Variants in NLGN1 observed in about 807,000 individuals in gnomAD.
NLGN1 encodes neuroligin-1.
NLGN1 carries 12 observed loss-of-function variants against 65.5 expected under a neutral mutation model. The ratio of observed to expected loss-of-function variants is 0.18; its 90% confidence interval spans 0.12 to 0.30. The LOEUF (loss-of-function observed/expected upper bound fraction) is 0.30, where lower values mean the gene tolerates loss of function less well. NLGN1 is among the 10% of genes least tolerant of loss of function. NLGN1 has a pLI of 1.00. For missense variants in NLGN1, 750 were observed against 1,007.1 expected, an observed-to-expected ratio of 0.74 and a Z score of 3.46; for synonymous variants, 350 against 359.5, an observed-to-expected ratio of 0.97 and a Z score of 0.30.
chr3:173,925,789 A>G (rs1162560623), intron 4 of NLGN1, among the ~76,000 whole-genome samples: 19 of 152,186 alleles, frequency 1.2e-4, no homozygotes, highest in Non-Finnish European at 2.8e-4. Flanking sequence ...AATTATAAAT[A>G]TATATATTCA....
intron 2 of NLGN1, among the ~76,000 whole-genome samples, chr3:173,452,992 T>C (rs1274163435): frequency 6.6e-6 from 1 of 152,190 alleles, no homozygotes; most frequent in Non-Finnish European, 1.5e-5. Context: ...CTTCAGTGAG[T>C]CTTAATCTTT....
chr3:173,781,472 A>C (rs1263017256), intron 3 of NLGN1, among the ~76,000 whole-genome samples: 1 of 152,154 alleles, frequency 6.6e-6, no homozygotes, highest in Non-Finnish European at 1.5e-5. Flanking sequence ...ACTGTTATGG[A>C]TTATCTTTGA....
chr3:174,291,263 G>A (rs1292598534), downstream of NLGN1, among the ~76,000 whole-genome samples: 3 of 150,886 alleles, frequency 2.0e-5, no homozygotes, highest in Non-Finnish European at 4.5e-5. Context: ...GACTCAATAT[G>A]CATGTATATG....
intron 2 of NLGN1, among the ~76,000 whole-genome samples, chr3:173,592,497 T>C (rs1748695762): frequency 6.6e-6 from 1 of 152,206 alleles, no homozygotes; most frequent in South Asian, 2.1e-4. Context: ...TGGATATCTA[T>C]GCACACGCCT....
intron 1 of NLGN1, among the ~76,000 whole-genome samples, chr3:173,411,330 T>A (rs755550188): frequency 6.6e-5 from 10 of 152,212 alleles, no homozygotes; most frequent in Non-Finnish European, 1.2e-4. Flanking sequence ...CAGAGAGAAC[T>A]ATGGACCACA....
At chr3:173,605,340 A>G (rs1157427662) in intron 3 of NLGN1, among the ~76,000 whole-genome samples, 194 bp from the exon 3 acceptor site, 1 of 151,962 alleles carries the variant, frequency 6.6e-6, no homozygotes, top group African/African-American at 2.4e-5. Context: ...TGGGTTTCTA[A>G]TTTCCATTTC....
intron 2 of NLGN1, among the ~76,000 whole-genome samples, chr3:173,505,388 A>G (rs568328762): frequency 3.3e-5 from 5 of 152,128 alleles, no homozygotes; most frequent in Admixed American, 6.6e-5. Context: ...ACATAGATCT[A>G]CATCATGCCA....
At chr3:173,728,471 G>A (rs1214514964) in intron 3 of NLGN1, among the ~76,000 whole-genome samples, 1 of 152,172 alleles carries the variant, frequency 6.6e-6, no homozygotes, top group East Asian at 1.9e-4. Flanking sequence ...AAAGCCACGT[G>A]AGCTTTAGAA....
chr3:173,434,322 T>C (rs1717714391), intron 1 of NLGN1, among the ~76,000 whole-genome samples: 1 of 152,216 alleles, frequency 6.6e-6, no homozygotes, highest in Non-Finnish European at 1.5e-5. Flanking sequence ...TTCTTTGTAG[T>C]AGTGGTTTTC....
At chr3:173,406,461 A>G (rs577512731) in intron 1 of NLGN1, among the ~76,000 whole-genome samples, 280 of 149,896 alleles carry the variant, frequency 1.9e-3, no homozygotes, top group Non-Finnish European at 3.0e-3. Flanking sequence ...ATTTTATTTT[A>G]TATGTATATT....
At chr3:174,181,706 A>G (rs1730440045) in intron 4 of NLGN1, among the ~76,000 whole-genome samples, 1 of 152,034 alleles carries the variant, frequency 6.6e-6, no homozygotes, top group Non-Finnish European at 1.5e-5. Context: ...AGGCAGGCAT[A>G]TGGCTTGAGC....
At chr3:173,797,446 A>C (rs915264704) in intron 3 of NLGN1, among the ~76,000 whole-genome samples, 15 of 152,248 alleles carry the variant, frequency 9.9e-5, no homozygotes, top group Admixed American at 7.2e-4. Context: ...CGTTTTATTT[A>C]GTATCAATAA....
intron 4 of NLGN1, among the ~76,000 whole-genome samples, chr3:174,026,943 C>G (rs534395968): frequency 6.6e-6 from 1 of 151,068 alleles, no homozygotes; most frequent in South Asian, 2.1e-4. Context: ...TAATTCAATT[C>G]AAATACATTT....
intron 3 of NLGN1, among the ~76,000 whole-genome samples, chr3:173,721,657 G>A (rs1330381955): frequency 1.3e-5 from 2 of 152,118 alleles, no homozygotes; most frequent in Non-Finnish European, 2.9e-5. Context: ...CACATTTTAT[G>A]TAATTATTTA....
At chr3:173,638,809 A>G (rs1262220670) in intron 3 of NLGN1, among the ~76,000 whole-genome samples, 2 of 152,168 alleles carry the variant, frequency 1.3e-5, no homozygotes, top group Non-Finnish European at 2.9e-5. Flanking sequence ...TGTCACAGTA[A>G]TTTTGGAGGA....
chr3:173,909,299 C>T (rs575444370), intron 4 of NLGN1, among the ~76,000 whole-genome samples: 1 of 152,198 alleles, frequency 6.6e-6, no homozygotes, highest in South Asian at 2.1e-4. Flanking sequence ...TAACCCTGGG[C>T]TTAGCCATCT....
intron 4 of NLGN1, among the ~76,000 whole-genome samples, chr3:173,915,681 G>T (rs1174396043): frequency 6.6e-6 from 1 of 152,148 alleles, no homozygotes; most frequent in East Asian, 1.9e-4. Flanking sequence ...AAGTAAGTTT[G>T]CTAGAAATAG....
At chr3:173,469,986 TTA>T (rs3030765) in intron 2 of NLGN1, among the ~76,000 whole-genome samples, 1 of 150,544 alleles carries the variant, frequency 6.6e-6, no homozygotes, top group African/African-American at 2.4e-5. Context: ...TTATATATGA[TTA>T]TATATATATG....
chr3:173,701,714 A>C (rs528231334), intron 3 of NLGN1, among the ~76,000 whole-genome samples: 1 of 152,202 alleles, frequency 6.6e-6, no homozygotes, highest in Non-Finnish European at 1.5e-5. Context: ...ACACAGCCTT[A>C]AGCTTATGCC....
Sources: gnomAD v4.1 joint callset for allele counts (sites outside exome capture counted in the v4.1 genomes callset) on GRCh38, gnomAD v4.1.1 for gene constraint, MANE v1.5 for transcripts, NCBI Gene and HGNC (gene_info 2026-07-23, HGNC 2026-07-21) for gene names.